Variants in TMEM179 observed in about 807,000 individuals in gnomAD.
The protein encoded by TMEM179 is transmembrane protein 179.
A neutral mutation model predicts 22.2 loss-of-function variants in TMEM179; 17 were observed. The observed-to-expected ratio is 0.77, with a 90% CI of 0.52 to 1.15. The LOEUF is 1.15. Ranked by LOEUF, TMEM179 falls within the 50% of genes most tolerant of loss-of-function variation. TMEM179 has a pLI of 0.00. For synonymous variants in TMEM179, 127 were observed against 140.5 expected (o/e 0.90, Z 0.68); for missense variants, 265 against 313.6 (o/e 0.84, Z 1.17).
intron 1 of TMEM179, among the ~76,000 whole-genome samples, chr14:104,601,576 C>T (rs935933042): frequency 3.3e-5 from 5 of 152,024 alleles, no homozygotes; most frequent in South Asian, 2.1e-4. Context: ...CCCCACAAGC[C>T]GTCTGCCAAT....
In TMEM179 at chr14:104,597,690, A is replaced by C. The variant is rs1047259375; in HGVS notation, c.306-563T>G. Among the ~76,000 whole-genome samples, 1 of 152,166 alleles carries C rather than the reference A, an allele frequency of 6.6e-6. No homozygotes were observed. The highest frequency in any genetic ancestry group is 1.5e-5 in the Non-Finnish European group (1 of 68,020). On this transcript the variant is annotated intron_variant, in intron 1 of 3. Transcript: ENST00000556573. The surrounding 1 kb of genome is among the most constrained non-coding windows in gnomAD (Gnocchi z 4.8). ...CAAGAGGAACGGGCCCTCAGCAGGC[A>C]TCGAACCTGGATCCCAGCCTGGATC...
chr14:104,604,374 A>G lies in TMEM179; in HGVS notation c.305+63T>C. 7.1e-7 allele frequency: 1 copy of G among 1,407,280 alleles called. No individual in the cohort carries two copies. 87.2% of individuals were successfully genotyped at this position (1,407,280 alleles called of 1,614,324 possible). A position where few individuals can be genotyped will look rare whatever the true frequency, so the allele number is the denominator to read the frequency against. On this transcript the variant is annotated intron_variant, in intron 1 of 3. Coordinates refer to ENST00000556573, the MANE Select transcript of TMEM179 (RefSeq NM_001286389.2). The surrounding 1 kb of genome is among the most constrained non-coding windows in gnomAD (Gnocchi z 4.6). ...GAGGGACTCGCGCGCCTCCCCGGGG[A>G]GGTGGGTCTGGGGGCGCTGGGGGCA...
In TMEM179 at chr14:104,603,320, C is replaced by G. The variant is rs546195505; in HGVS notation, c.305+1117G>C. On this transcript the variant is annotated intron_variant, in intron 1 of 3. Transcript: ENST00000556573. ...CTCCTGCCGCCCACACCCCTCTGAG[C>G]CCTTCTCATCTCCCACCTGCGTGCA... Among the ~76,000 whole-genome samples, 298 of 152,172 alleles carry G rather than the reference C, an allele frequency of 2.0e-3. 2 individuals are homozygous for G. The highest frequency in any genetic ancestry group is 6.9e-3 in the African/African-American group (285 of 41,488).
rs766835990 is a variant in TMEM179 at position 104,591,361 on chromosome 14, G to A, written c.*2118C>T. The stretch of plus-strand genomic sequence containing the variant: ...GGCCTGGATCAGGGCTGGGCAGAGG[G>A]TGAGGCAGGAGCCACCCCACCTTCT... On this transcript the variant is annotated 3_prime_UTR_variant, in exon 4 of 4. Transcript: ENST00000556573. 9 of 455,912 alleles carry A rather than the reference G, an allele frequency of 2.0e-5. No homozygotes were observed. Among genetic ancestry groups the A allele is most frequent in the Non-Finnish European group, 3.5e-5 (8 of 226,766 alleles). The allele number at this position is 455,912 out of a possible 1,614,324, so 28.2% of individuals were successfully genotyped here. A position where few individuals can be genotyped will look rare whatever the true frequency, so the allele number is the denominator to read the frequency against.
At chr14:104,599,558 C>A (rs1887168407) in intron 1 of TMEM179, among the ~76,000 whole-genome samples, 1 of 152,214 alleles carries the variant, frequency 6.6e-6, no homozygotes, top group Non-Finnish European at 1.5e-5. Context: ...AGTTCTGAAC[C>A]CCAAAATCCA....
rs1887005099 is a variant in TMEM179 at position 104,595,877 on chromosome 14, A to T, written c.444-634T>A. Among the ~76,000 whole-genome samples the T allele has an allele frequency of 6.6e-6, 1 of 152,264 alleles. No individual in the cohort carries two copies. Among genetic ancestry groups the T allele is most frequent in the Non-Finnish European group, 1.5e-5 (1 of 68,040 alleles). On this transcript the variant is annotated intron_variant, in intron 2 of 3. Transcript: ENST00000556573. The surrounding 1 kb of genome is among the most constrained non-coding windows in gnomAD (Gnocchi z 5.7). The stretch of plus-strand genomic sequence containing the variant: ...CGTGAAGCCAGGACACATTGACAGG[A>T]GCAGGGTGCCAGAAAGAGGGGGCCC...
At chr14:104,598,790 C>A (rs776778085) in intron 1 of TMEM179, among the ~76,000 whole-genome samples, 1 of 152,180 alleles carries the variant, frequency 6.6e-6, no homozygotes, top group Non-Finnish European at 1.5e-5. Flanking sequence ...AGCAGAACCA[C>A]CCCCCAGGAA....
chr14:104,600,731 G>A (rs991690096), intron 1 of TMEM179, among the ~76,000 whole-genome samples: 21 of 152,224 alleles, frequency 1.4e-4, no homozygotes, highest in African/African-American at 4.1e-4. Context: ...TTCTGGGCAC[G>A]AGCTCTCAGG....
rs1180308179 is a variant in TMEM179 at position 104,591,523 on chromosome 14, C to A, written c.*1956G>T. 1 of 400,128 alleles carries A rather than the reference C, an allele frequency of 2.5e-6. No homozygotes were observed. The highest frequency in any genetic ancestry group is 3.0e-5 in the Admixed American group (1 of 33,812). 24.8% of individuals were successfully genotyped at this position (400,128 alleles called of 1,614,324 possible). ...TGTCCAAACCCCTTCCCTCGAGGAC[C>A]TGGCTGCCAGCTGGAAACTCAGCTG... is the stretch of plus-strand genomic sequence containing the variant. On this transcript the variant is annotated 3_prime_UTR_variant, in exon 4 of 4. Coordinates refer to ENST00000556573, the MANE Select transcript of TMEM179 (RefSeq NM_001286389.2).
intron 1 of TMEM179, among the ~76,000 whole-genome samples, chr14:104,600,731 G>C (rs991690096): frequency 6.6e-6 from 1 of 152,106 alleles, no homozygotes; most frequent in African/African-American, 2.4e-5. Flanking sequence ...TTCTGGGCAC[G>C]AGCTCTCAGG....
intron 3 of TMEM179, 145 bp from the exon 4 acceptor site, chr14:104,593,803 G>T: frequency 1.0e-6 from 1 of 968,420 alleles, no homozygotes; most frequent in Non-Finnish European, 1.4e-6. Flanking sequence ...GGCAGGGCCA[G>T]CTCCTGAAGA....
chr14:104,594,215 C>T (rs1209397292), intron 3 of TMEM179: 1 of 1,231,864 alleles, frequency 8.1e-7, no homozygotes, highest in Non-Finnish European at 1.0e-6. Context: ...GGCCTGAGGC[C>T]TCTTCCACTC....
Position 104,604,301 on chromosome 14 carries a change from G to T in TMEM179, c.305+136C>A. On this transcript the variant is annotated intron_variant, in intron 1 of 3. Coordinates refer to ENST00000556573, the MANE Select transcript of TMEM179 (RefSeq NM_001286389.2). This position sits in a 1 kb window ranked among gnomAD's most constrained non-coding sequence, Gnocchi z 4.6. ...AAAGGGCGGTCTGAGTGGAGGGGGT[G>T]AGGGCGGATTGTTGACATTTGCGGG... is the stretch of plus-strand genomic sequence containing the variant. 1.0e-6 allele frequency: 1 copy of T among 967,194 alleles called. No homozygotes were observed. The highest frequency in any genetic ancestry group is 1.4e-6 in the Non-Finnish European group (1 of 690,192). 59.9% of individuals were successfully genotyped at this position (967,194 alleles called of 1,614,324 possible). A position where few individuals can be genotyped will look rare whatever the true frequency, so the allele number is the denominator to read the frequency against.
Position 104,593,247 on chromosome 14 carries a change from CAT to C in TMEM179, c.*230_*231del, listed in dbSNP as rs1203170146. ...GTGCCCCCCGCCCCCGCCCCACACC[CAT>C]AGTCTCTCTGCACCATCCTCATCAG... On this transcript the variant is annotated 3_prime_UTR_variant, in exon 4 of 4. Coordinates refer to ENST00000556573, the MANE Select transcript of TMEM179 (RefSeq NM_001286389.2). 6.7e-6 allele frequency: 4 copies of C among 598,464 alleles called. No individual in the cohort carries two copies. Among genetic ancestry groups the C allele is most frequent in the Non-Finnish European group, 1.2e-5 (4 of 341,234 alleles). The allele number at this position is 598,464 out of a possible 1,614,324, so 37.1% of individuals were successfully genotyped here. A position where few individuals can be genotyped will look rare whatever the true frequency, so the allele number is the denominator to read the frequency against.
At chr14:104,598,462 C>T (rs1887117380) in intron 1 of TMEM179, among the ~76,000 whole-genome samples, 1 of 152,266 alleles carries the variant, frequency 6.6e-6, no homozygotes, top group Non-Finnish European at 1.5e-5. Context: ...GCCAAGAAAA[C>T]ATCAACGCTA....
intron 2 of TMEM179, 79 bp downstream of exon 2, chr14:104,596,911 G>C: frequency 6.5e-7 from 1 of 1,538,676 alleles, no homozygotes; most frequent in Non-Finnish European, 8.7e-7. Flanking sequence ...CGTGAGGGAA[G>C]ATCACCCACA....
rs1887340682 is a variant in TMEM179, at chr14:104,604,224, G to T, written c.305+213C>A. Among the ~76,000 whole-genome samples, 1 of 152,216 alleles carries T rather than the reference G, an allele frequency of 6.6e-6. No homozygotes were observed. Among genetic ancestry groups the T allele is most frequent in the Admixed American group, 6.5e-5 (1 of 15,290 alleles). On this transcript the variant is annotated intron_variant, in intron 1 of 3. Transcript: ENST00000556573. This position sits in a 1 kb window ranked among gnomAD's most constrained non-coding sequence, Gnocchi z 4.6. ...GCGCAGCTGGGGAGGGGAGGCACTG[G>T]CCTTGTACGCAGGACCGGTGGTCGT...
In TMEM179 at chr14:104,592,785, C is replaced by T. The variant is rs1045197566; in HGVS notation, c.*694G>A. ...CAGTCCTCTATGTGGTACGTGTGCC[C>T]CCGAAATCCCCAACCAGATGATGCC... is the stretch of plus-strand genomic sequence containing the variant. On this transcript the variant is annotated 3_prime_UTR_variant, in exon 4 of 4. Coordinates refer to ENST00000556573, the MANE Select transcript of TMEM179 (RefSeq NM_001286389.2). Among the ~76,000 whole-genome samples the T allele has an allele frequency of 6.6e-6, 1 of 152,196 alleles. No homozygotes were observed. Among genetic ancestry groups the T allele is most frequent in the Non-Finnish European group, 1.5e-5 (1 of 68,020 alleles).
Position 104,604,610 on chromosome 14 carries a change from C to A in TMEM179, c.132G>T (p.Glu44Asp). 6.4e-7 allele frequency: 1 copy of A among 1,566,820 alleles called. No individual in the cohort carries two copies. The highest frequency in any genetic ancestry group is 1.2e-5 in the South Asian group (1 of 85,718). The change falls in exon 1 of 4, where the codon GAG (glutamate) becomes GAT (aspartate). Residue 44 changes from glutamate (E) to aspartate (D), a missense_variant. Physicochemically the swap from Glu to Asp is conservative, Grantham distance 45. Coordinates refer to ENST00000556573, the MANE Select transcript of TMEM179 (RefSeq NM_001286389.2). This position sits in a 1 kb window ranked among gnomAD's most constrained non-coding sequence, Gnocchi z 4.6. The part of the protein sequence containing the change: ...DFRGRCLLFT[E>D]GMWLSANLTV... ...TGAGGTTGGCGCTCAGCCACATGCC[C>A]TCGGTGAAGAGCAGGCAGCGGCCGC...
Sources: allele counts gnomAD v4.1 joint callset (sites outside exome capture counted in the v4.1 genomes callset), GRCh38; gene constraint gnomAD v4.1.1; non-coding constraint Gnocchi (gnomAD v3.1); transcripts MANE v1.5; gene names NCBI Gene and HGNC (gene_info 2026-07-23, HGNC 2026-07-21).